The following MORN1 variants were observed in gnomAD, a reference collection of about 807,000 sequenced individuals.
MORN1 encodes the protein MORN repeat containing 1, also known as MORN repeat-containing protein 1.
In MORN1, 67 loss-of-function variants were observed where a neutral mutation model predicts 61.9. The observed-to-expected ratio is 1.08, with a 90% CI of 0.89 to 1.33. MORN1 has a LOEUF of 1.33. Among genes scored for constraint, MORN1 ranks in the 40% most tolerant of loss-of-function variants. The pLI is 0.00. For missense variants in MORN1, 752 were observed against 691.2 expected, an observed-to-expected ratio of 1.09 and a Z score of -0.99; for synonymous variants, 301 against 292.0, an observed-to-expected ratio of 1.03 and a Z score of -0.31.
chr1:2,366,240 C>T (rs1641992987), intron 8 of MORN1, among the ~76,000 whole-genome samples: 1 of 150,072 alleles, frequency 6.7e-6, no homozygotes, highest in Non-Finnish European at 1.5e-5. Flanking sequence ...AAAAACCAAA[C>T]ACCGCATATT....
At chr1:2,387,123 C>T in intron 4 of MORN1, 1 of 444,964 alleles carries the variant, frequency 2.2e-6, no homozygotes. Context: ...ACCCCAGGAT[C>T]AGGAGCAGTT....
chr1:2,338,926 C>T (rs1641338437), intron 10 of MORN1, among the ~76,000 whole-genome samples: 1 of 151,916 alleles, frequency 6.6e-6, no homozygotes, highest in Non-Finnish European at 1.5e-5. Flanking sequence ...AAAGGGAGCC[C>T]TCCCTGCGCA....
intron 6 of MORN1, among the ~76,000 whole-genome samples, chr1:2,379,582 A>G (rs1188488383): frequency 6.6e-6 from 1 of 152,148 alleles, no homozygotes; most frequent in African/African-American, 2.4e-5. Flanking sequence ...GGTGGCCAGG[A>G]CTGGGGGAGA....
At chr1:2,366,413 C>T (rs1452950527) in intron 8 of MORN1, among the ~76,000 whole-genome samples, 2 of 151,884 alleles carry the variant, frequency 1.3e-5, no homozygotes, top group Admixed American at 6.6e-5. Context: ...ACCAACATGG[C>T]ACATGTATAC....
intron 8 of MORN1, among the ~76,000 whole-genome samples, chr1:2,361,660 A>C (rs1641893016): frequency 6.6e-6 from 1 of 152,248 alleles, no homozygotes; most frequent in Non-Finnish European, 1.5e-5. Flanking sequence ...GATGTGATTC[A>C]CAACAGGTTA....
In MORN1 at chr1:2,334,852, G is replaced by A. The variant is rs1194765525; in HGVS notation, c.1250+1617C>T. Among the ~76,000 whole-genome samples the A allele has an allele frequency of 6.6e-6, 1 of 152,186 alleles. No homozygotes were observed. The highest frequency in any genetic ancestry group is 1.5e-5 in the Non-Finnish European group (1 of 68,040). On this transcript the variant is annotated intron_variant, in intron 12 of 13. Transcript: ENST00000378531. The surrounding 1 kb of genome is among the most constrained non-coding windows in gnomAD (Gnocchi z 5.4). ...AGCCTTCTTTCTGCTGAAATAAGAC[G>A]TTCCAACATCACCCTCAGCGCGGAG...
Position 2,382,661 on chromosome 1 carries a change from C to A in MORN1, c.537+2317G>T, listed in dbSNP as rs140663664. 3.5e-3 allele frequency among the ~76,000 whole-genome samples: 537 copies of A among 152,306 alleles called. 6 individuals are homozygous for A. Among genetic ancestry groups the A allele is most frequent in the South Asian group, 8.9e-3 (43 of 4,830 alleles). The stretch of plus-strand genomic sequence containing the variant: ...GACAGTGAAGACAAGGGAGCAGTGG[C>A]TGCCCCAGCACGTGGTGAAGTCTGG... On this transcript the variant is annotated intron_variant, in intron 6 of 13. Transcript: ENST00000378531.
At position 2,385,305 on chromosome 1, in the gene MORN1, C is replaced by T. The variant is rs1161414536; in HGVS notation, c.450-240G>A. ...GTAGGCCTGCTCGGGACGCACTCAGCTTCCGCTACTCAAAATGGGAAATGA... is the reference window on the plus strand; with the variant it reads ...GTAGGCCTGCTCGGGACGCACTCAGTTTCCGCTACTCAAAATGGGAAATGA... On this transcript the variant is annotated intron_variant, in intron 5 of 13. Transcript: ENST00000378531. 1.4e-5 allele frequency: 8 copies of T among 564,604 alleles called. 1 individual carries two copies. The South Asian group carries it at 1.5e-4, about 10-fold the overall frequency. The allele number at this position is 564,604 out of a possible 1,614,324, so 35.0% of individuals were successfully genotyped here. A position where few individuals can be genotyped will look rare whatever the true frequency, so the allele number is the denominator to read the frequency against.
rs569968983 is a variant in MORN1 at position 2,336,862 on chromosome 1, G to C, written c.1037-12C>G. 1.9e-6 allele frequency: 3 copies of C among 1,550,310 alleles called. No individual in the cohort carries two copies. Among genetic ancestry groups the C allele is most frequent in the Non-Finnish European group, 2.6e-6 (3 of 1,151,190 alleles). ...CGCATGTCCCCTGGCTGAGGAGACA[G>C]AATGAAGAAAGACCCTATGAGGGGC... On this transcript the variant is annotated splice_polypyrimidine_tract_variant and intron_variant, in intron 10 of 13. Transcript: ENST00000378531.
chr1:2,359,256 C>T (rs1189432839), intron 8 of MORN1, among the ~76,000 whole-genome samples: 1 of 152,128 alleles, frequency 6.6e-6, no homozygotes, highest in Non-Finnish European at 1.5e-5. Context: ...GGGATGGGCT[C>T]CCCCCTCCAC....
At chr1:2,324,926 G>A (rs139965926) in intron 12 of MORN1, among the ~76,000 whole-genome samples, 312 of 152,000 alleles carry the variant, frequency 2.1e-3, no homozygotes, top group Middle Eastern at 0.01. Context: ...CCCTGAGGAC[G>A]TGGCCATGGC....
intron 1 of MORN1, 27 bp downstream of exon 1, chr1:2,391,431 A>T (rs2100389105): frequency 1.6e-6 from 2 of 1,256,074 alleles, no homozygotes; most frequent in Non-Finnish European, 2.0e-6. Flanking sequence ...GCAGCCAGCG[A>T]CCTGTCCCGT....
intron 6 of MORN1, among the ~76,000 whole-genome samples, chr1:2,381,314 G>A (rs1310066340): frequency 6.6e-6 from 1 of 152,256 alleles, no homozygotes; most frequent in African/African-American, 2.4e-5. Context: ...GTCTGGGCAG[G>A]AGGAATGCCT....
At chr1:2,378,090 CAG>C (rs1476565106) in intron 6 of MORN1, 16 of 152,346 alleles carry the variant, frequency 1.1e-4, no homozygotes, top group African/African-American at 3.1e-4. Flanking sequence ...TTCATGGTAA[CAG>C]TGAGGACCAG....
chr1:2,354,523 C>T (rs376529599), intron 10 of MORN1, among the ~76,000 whole-genome samples: 57 of 152,262 alleles, frequency 3.7e-4, no homozygotes, highest in Middle Eastern at 3.4e-3. Flanking sequence ...GCCGAGATCA[C>T]GCCACTGCAC....
At chr1:2,322,146 A>C in intron 13 of MORN1, 1 of 985,374 alleles carries the variant, frequency 1.0e-6, no homozygotes, top group Middle Eastern at 5.2e-4. Context: ...CTCGGCAGAG[A>C]AGGAAAAGTA....
intron 13 of MORN1, chr1:2,322,512 C>G: frequency 1.0e-6 from 1 of 984,978 alleles, no homozygotes; most frequent in Non-Finnish European, 1.2e-6. Flanking sequence ...GAGCAAGCCT[C>G]GGGGGCCGGG....
chr1:2,321,344 TC>T lies in MORN1; in HGVS notation c.*38del. 1 of 1,375,664 alleles carries T rather than the reference TC, an allele frequency of 7.3e-7. No individual in the cohort carries two copies. Among genetic ancestry groups the T allele is most frequent in the Non-Finnish European group, 9.7e-7 (1 of 1,032,454 alleles). The allele number at this position is 1,375,664 out of a possible 1,614,324, so 85.2% of individuals were successfully genotyped here. A position where few individuals can be genotyped will look rare whatever the true frequency, so the allele number is the denominator to read the frequency against. ...CACGCAAGCAGAGGCAGCGTTTCCT[TC>T]CATTCACACCGAGGTGGCCTCCTGT... is the stretch of plus-strand genomic sequence containing the variant. On this transcript the variant is annotated 3_prime_UTR_variant, in exon 14 of 14. Coordinates refer to ENST00000378531, the MANE Select transcript of MORN1 (RefSeq NM_024848.3).
intron 10 of MORN1, among the ~76,000 whole-genome samples, chr1:2,343,699 C>T (rs4648829): frequency 0.3 from 45,471 of 152,052 alleles, 7,505 homozygotes; most frequent in South Asian, 0.44. Flanking sequence ...AGAGGCCTCG[C>T]GGAGCCTTGG....
Sources: allele counts gnomAD v4.1 joint callset (sites outside exome capture counted in the v4.1 genomes callset), GRCh38; gene constraint gnomAD v4.1.1; non-coding constraint Gnocchi (gnomAD v3.1); transcripts MANE v1.5; gene names NCBI Gene and HGNC (gene_info 2026-07-23, HGNC 2026-07-21).